Variants in RSRC1 observed in about 807,000 individuals in gnomAD.
RSRC1 encodes the protein arginine and serine rich coiled-coil 1, also known as serine/Arginine-related protein 53.
Under a neutral mutation model 49.1 loss-of-function variants are expected in RSRC1, and 39 were observed. That is an observed-to-expected ratio of 0.79 (90% confidence interval 0.61 to 1.04). RSRC1 has a LOEUF of 1.04. Among genes scored for constraint, RSRC1 ranks in the 50% least tolerant of loss-of-function variants. The pLI is 0.00. For synonymous variants in RSRC1, 143 were observed against 130.8 expected (o/e 1.09, Z -0.63); for missense variants, 388 against 402.4 (o/e 0.96, Z 0.31).
At chr3:158,330,638 A>G (rs1339743564) in intron 5 of RSRC1, among the ~76,000 whole-genome samples, 3 of 152,116 alleles carry the variant, frequency 2.0e-5, no homozygotes, top group African/African-American at 7.2e-5. Flanking sequence ...TTGCTCTTCT[A>G]AGGAATTTTC....
chr3:158,313,138 A>G (rs1053944786), intron 5 of RSRC1, among the ~76,000 whole-genome samples: 1 of 151,460 alleles, frequency 6.6e-6, no homozygotes, highest in African/African-American at 2.4e-5. Context: ...CTCATGCATC[A>G]TCTCCTTTGT....
At chr3:158,191,495 G>GT (rs1682895154) in intron 3 of RSRC1, among the ~76,000 whole-genome samples, 1 of 151,922 alleles carries the variant, frequency 6.6e-6, no homozygotes, top group Non-Finnish European at 1.5e-5. Flanking sequence ...TTGACAAATT[G>GT]TTTTTTTAAG....
chr3:158,299,940 G>A (rs938810665), intron 5 of RSRC1, among the ~76,000 whole-genome samples: 3 of 152,080 alleles, frequency 2.0e-5, no homozygotes, highest in African/African-American at 7.2e-5. Flanking sequence ...TACTTATTTT[G>A]TAAACTTTTG....
intron 1 of RSRC1, among the ~76,000 whole-genome samples, chr3:158,120,646 AC>A (rs1228733762): frequency 6.8e-6 from 1 of 147,218 alleles, no homozygotes; most frequent in Non-Finnish European, 1.5e-5. Context: ...AACATACTAT[AC>A]ATAATATATA....
intron 7 of RSRC1, among the ~76,000 whole-genome samples, chr3:158,490,170 C>T (rs1739009524): frequency 1.3e-5 from 2 of 152,168 alleles, no homozygotes; most frequent in Admixed American, 6.5e-5. Flanking sequence ...CTGCAAGCTC[C>T]TCCTCCAGGG....
At chr3:158,309,319 T>A (rs1319935878) in intron 5 of RSRC1, among the ~76,000 whole-genome samples, 2 of 151,906 alleles carry the variant, frequency 1.3e-5, no homozygotes, top group African/African-American at 4.8e-5. Flanking sequence ...TAAGGGATCT[T>A]GATGTGGTAT....
intron 3 of RSRC1, among the ~76,000 whole-genome samples, chr3:158,180,604 A>G (rs1169940661): frequency 6.6e-6 from 1 of 151,296 alleles, no homozygotes; most frequent in Non-Finnish European, 1.5e-5. Context: ...CTGGGGCTAC[A>G]GATGTGCCTC....
intron 7 of RSRC1, among the ~76,000 whole-genome samples, chr3:158,468,407 T>C (rs1737984739): frequency 6.6e-6 from 1 of 152,204 alleles, no homozygotes; most frequent in Non-Finnish European, 1.5e-5. Context: ...GATTCTGTTA[T>C]CCTGAGATGA....
intron 3 of RSRC1, among the ~76,000 whole-genome samples, chr3:158,164,308 AC>A (rs1292260056): frequency 6.6e-6 from 1 of 152,104 alleles, no homozygotes; most frequent in Non-Finnish European, 1.5e-5. Flanking sequence ...CAGGATTATT[AC>A]ACTGATAACT....
intron 4 of RSRC1, among the ~76,000 whole-genome samples, chr3:158,270,760 T>C (rs1440388149): frequency 6.6e-6 from 1 of 152,192 alleles, no homozygotes; most frequent in African/African-American, 2.4e-5. Flanking sequence ...TACAGATTCA[T>C]TATAATTTAT....
chr3:158,414,870 T>C (rs1294549347), intron 6 of RSRC1, among the ~76,000 whole-genome samples: 1 of 152,150 alleles, frequency 6.6e-6, no homozygotes, highest in Admixed American at 6.6e-5. Flanking sequence ...TCGAATTTGA[T>C]TGTGTTCACA....
chr3:158,425,160 A>C (rs1404158365), intron 6 of RSRC1, among the ~76,000 whole-genome samples: 2 of 151,510 alleles, frequency 1.3e-5, no homozygotes, highest in African/African-American at 2.4e-5. Context: ...TAGTTCTTTT[A>C]ATTGTGATGT....
chr3:158,542,427 C>T (rs763324019), intron 8 of RSRC1, among the ~76,000 whole-genome samples: 8 of 152,034 alleles, frequency 5.3e-5, no homozygotes, highest in Non-Finnish European at 8.8e-5. Context: ...CCCAGATACT[C>T]GGGAGGCTGA....
intron 3 of RSRC1, among the ~76,000 whole-genome samples, chr3:158,184,728 C>A (rs1719829206): frequency 6.6e-6 from 1 of 151,976 alleles, no homozygotes; most frequent in Non-Finnish European, 1.5e-5. Context: ...TTCCCTGGAG[C>A]TTTATAATGT....
At chr3:158,275,300 C>A (rs934802555) in intron 4 of RSRC1, among the ~76,000 whole-genome samples, 2 of 152,098 alleles carry the variant, frequency 1.3e-5, no homozygotes, top group African/African-American at 4.8e-5. Context: ...TCAGGCTAAC[C>A]CAGATTTGTC....
intron 7 of RSRC1, among the ~76,000 whole-genome samples, chr3:158,508,742 G>A (rs1027613936): frequency 9.9e-5 from 15 of 152,046 alleles, no homozygotes; most frequent in African/African-American, 2.7e-4. Context: ...TAGTCACTTC[G>A]TTGCCATCTC....
intron 7 of RSRC1, among the ~76,000 whole-genome samples, chr3:158,516,615 G>T (rs921883540): frequency 6.6e-6 from 1 of 152,174 alleles, no homozygotes; most frequent in Non-Finnish European, 1.5e-5. Flanking sequence ...GAGCTGTGGT[G>T]GGCTCCACCC....
intron 4 of RSRC1, among the ~76,000 whole-genome samples, chr3:158,259,349 G>A (rs1223058443): frequency 1.3e-5 from 2 of 152,176 alleles, no homozygotes; most frequent in Non-Finnish European, 2.9e-5. Flanking sequence ...TACTACTTTG[G>A]TGGTCTTTGG....
At chr3:158,473,141 T>C (rs893771248) in intron 7 of RSRC1, among the ~76,000 whole-genome samples, 4 of 152,138 alleles carry the variant, frequency 2.6e-5, no homozygotes, top group African/African-American at 9.7e-5. Context: ...AAATACCATA[T>C]GACCCAGCTA....
Sources: allele counts gnomAD v4.1 joint callset (sites outside exome capture counted in the v4.1 genomes callset), GRCh38; gene constraint gnomAD v4.1.1; transcripts MANE v1.5; gene names NCBI Gene and HGNC (gene_info 2026-07-23, HGNC 2026-07-21).